Variants in TARS3 observed in about 807,000 individuals in gnomAD.
TARS3 encodes threonyl-tRNA synthetase 3.
Under a neutral mutation model 103.5 loss-of-function variants are expected in TARS3, and 94 were observed. The ratio of observed to expected loss-of-function variants is 0.91; its 90% CI spans 0.77 to 1.08. The LOEUF (loss-of-function observed/expected upper bound fraction) is 1.08, where lower values mean the gene tolerates loss of function less well. Among genes scored for constraint, TARS3 ranks in the 50% least tolerant of loss-of-function variants. The pLI is 0.00. For missense variants in TARS3, 952 were observed against 995.2 expected (o/e 0.96, Z 0.58); for synonymous variants, 416 against 355.4 (o/e 1.17, Z -1.92).
At chr15:101,683,743 A>G (rs1344932448) in intron 12 of TARS3, among the ~76,000 whole-genome samples, 2 of 152,234 alleles carry the variant, frequency 1.3e-5, no homozygotes, top group African/African-American at 4.8e-5. Context: ...TTGCATGGCA[A>G]TTTTAACTTG....
Position 101,654,442 on chromosome 15 carries a change from TTCA to T in TARS3, c.*137_*139del. On this transcript the variant is annotated 3_prime_UTR_variant, in exon 19 of 19. Transcript: ENST00000335968. The stretch of plus-strand genomic sequence containing the variant: ...AAACTTCGTGCATGTCAGCTACACG[TTCA>T]TCGTCTCCTTTCTCAGCTGAGGCCA... 3.5e-6 allele frequency: 3 copies of T among 864,640 alleles called. No individual in the cohort carries two copies. The highest frequency in any genetic ancestry group is 3.4e-6 in the Non-Finnish European group (2 of 582,058). The allele number at this position is 864,640 out of a possible 1,614,324, so 53.6% of individuals were successfully genotyped here.
intron 15 of TARS3, among the ~76,000 whole-genome samples, chr15:101,666,195 TG>T (rs1392279997): frequency 2.2e-4 from 34 of 151,998 alleles, no homozygotes; most frequent in African/African-American, 7.7e-4. Context: ...AGAAGATGAG[TG>T]TTCTAGGTCA....
At chr15:101,683,215 C>A (rs1023079914) in intron 12 of TARS3, among the ~76,000 whole-genome samples, 1 of 151,824 alleles carries the variant, frequency 6.6e-6, no homozygotes, top group African/African-American at 2.4e-5. Context: ...ATTGATTTTT[C>A]TTTTCTAATG....
In TARS3 at chr15:101,684,194, T is replaced by C. The variant is rs908414406; in HGVS notation, c.1531A>G (p.Ile511Val). The C allele has an allele frequency of 5.6e-6, 9 of 1,613,930 alleles. No homozygotes were observed. The highest frequency in any genetic ancestry group is 6.8e-6 in the Non-Finnish European group (8 of 1,179,970). Residue 511 changes from isoleucine to valine, a missense_variant, in exon 12 of 19, where the codon ATT becomes GTT. Transcript: ENST00000335968. ...AGAACTCCAAAATCAGCAAATCTAATAGGCATTTCCCTCCAAGATCGTGGA... is the reference window on the plus strand; with the variant it reads ...AGAACTCCAAAATCAGCAAATCTAACAGGCATTTCCCTCCAAGATCGTGGA... ...HRPRSWREMP[I>V]RFADFGVLHR... is the part of the protein sequence containing the mutation.
At chr15:101,689,673 G>A (rs887063425) in intron 10 of TARS3, among the ~76,000 whole-genome samples, 2 of 152,194 alleles carry the variant, frequency 1.3e-5, no homozygotes, top group African/African-American at 4.8e-5. Context: ...GCTAGGAGAA[G>A]GCAAGGAAGG....
intron 15 of TARS3, among the ~76,000 whole-genome samples, chr15:101,666,038 G>C (rs544764800): frequency 6.6e-6 from 1 of 152,266 alleles, no homozygotes; most frequent in East Asian, 1.9e-4. Context: ...TGAATCATTG[G>C]AGCAGTAATG....
intron 5 of TARS3, among the ~76,000 whole-genome samples, chr15:101,709,312 G>A (rs1899738338): frequency 6.6e-6 from 1 of 152,230 alleles, no homozygotes; most frequent in South Asian, 2.1e-4. Flanking sequence ...ACATCTGTAT[G>A]GACTGCAGAG....
intron 10 of TARS3, among the ~76,000 whole-genome samples, chr15:101,687,734 T>G (rs1416918023): frequency 6.6e-6 from 1 of 152,154 alleles, no homozygotes. Flanking sequence ...TATTGATACC[T>G]TAACCCCAAG....
intron 15 of TARS3, among the ~76,000 whole-genome samples, chr15:101,669,788 G>A (rs1220241869): frequency 6.6e-6 from 1 of 152,184 alleles, no homozygotes; most frequent in East Asian, 1.9e-4. Context: ...CCAGGTTTGC[G>A]TAAGCACACT....
chr15:101,691,759 G>C, intron 10 of TARS3, among the ~76,000 whole-genome samples: 1 of 152,170 alleles, frequency 6.6e-6, no homozygotes, highest in Non-Finnish European at 1.5e-5. Context: ...CTCATGTTCT[G>C]TATTAGATCT....
In TARS3 at chr15:101,679,479, G is replaced by T. The variant is rs1270507773; in HGVS notation, c.1651-3742C>A. Among the ~76,000 whole-genome samples, 6 of 146,902 alleles carry T rather than the reference G, an allele frequency of 4.1e-5. No homozygotes were observed. In the Admixed American group the frequency reaches 4.2e-4, roughly 10 times the overall value. On this transcript the variant is annotated intron_variant, in intron 12 of 18. Coordinates refer to ENST00000335968, the MANE Select transcript of TARS3 (RefSeq NM_152334.3). ...TCTTTATATCTTCTATTTCTTTCCT[G>T]AGATTTTCTGTTTCTTCGCTGACTT... is the stretch of plus-strand genomic sequence containing the variant.
intron 13 of TARS3, among the ~76,000 whole-genome samples, chr15:101,674,703 C>T (rs1311461443): frequency 6.6e-6 from 1 of 151,368 alleles, no homozygotes; most frequent in Non-Finnish European, 1.5e-5. Context: ...CTACTCGGGA[C>T]GCTGAGGAGG....
intron 9 of TARS3, 42 bp downstream of exon 9, chr15:101,702,197 G>T: frequency 6.2e-7 from 1 of 1,602,988 alleles, no homozygotes. Context: ...TTCCTATGTT[G>T]GCTTATGATT....
intron 11 of TARS3, among the ~76,000 whole-genome samples, chr15:101,684,568 G>A (rs981197849): frequency 8.5e-5 from 13 of 152,238 alleles, no homozygotes; most frequent in South Asian, 2.1e-4. Context: ...CCCAGACAGG[G>A]CTAGGCAGTT....
At chr15:101,677,289 G>C (rs1220169682) in intron 12 of TARS3, among the ~76,000 whole-genome samples, 1 of 152,168 alleles carries the variant, frequency 6.6e-6, no homozygotes, top group African/African-American at 2.4e-5. Flanking sequence ...CCAATCTGTT[G>C]AGGGCAGGAA....
chr15:101,720,047 G>A (rs375144913), intron 3 of TARS3, among the ~76,000 whole-genome samples: 1 of 152,180 alleles, frequency 6.6e-6, no homozygotes, highest in Non-Finnish European at 1.5e-5. Flanking sequence ...GACTCTCCAT[G>A]AGAAAACAAA....
intron 15 of TARS3, among the ~76,000 whole-genome samples, 153 bp downstream of exon 15, chr15:101,671,333 C>T (rs1207875895): frequency 2.0e-5 from 3 of 152,110 alleles, no homozygotes; most frequent in South Asian, 2.1e-4. Flanking sequence ...CAAGTTGATT[C>T]GCAACTGGAT....
chr15:101,675,125 C>T (rs1423731211), intron 13 of TARS3, among the ~76,000 whole-genome samples: 4 of 152,112 alleles, frequency 2.6e-5, no homozygotes, highest in African/African-American at 9.7e-5. Context: ...TTTTGCAAAG[C>T]TTAGATGTAA....
chr15:101,723,065 T>TTA (rs1900569563), intron 2 of TARS3, 28 bp downstream of exon 2: 1 of 1,600,078 alleles, frequency 6.2e-7, no homozygotes, highest in Non-Finnish European at 8.6e-7. Flanking sequence ...AGGTAGTATT[T>TTA]TATATTGTTT....
Sources: gnomAD v4.1 joint callset for allele counts (sites outside exome capture counted in the v4.1 genomes callset) on GRCh38, gnomAD v4.1.1 for gene constraint, MANE v1.5 for transcripts, NCBI Gene and HGNC (gene_info 2026-07-23, HGNC 2026-07-21) for gene names.